PCDHAC1: variants seen among roughly 807,000 people sequenced by gnomAD.
The protein encoded by PCDHAC1 is protocadherin alpha subfamily C, 1.
Under a neutral mutation model 60.0 loss-of-function variants are expected in PCDHAC1, and 42 were observed. The ratio of observed to expected loss-of-function variants is 0.70; its 90% CI spans 0.55 to 0.90. The LOEUF is 0.90. PCDHAC1 is among the 40% of genes least tolerant of loss of function. The probability of loss-of-function intolerance (pLI) is 0.00; values close to 1 mark genes in which losing one functional copy is unlikely to be tolerated. For missense variants in PCDHAC1, 1,160 were observed against 1,222.3 expected, an observed-to-expected ratio of 0.95 and a Z score of 0.76; for synonymous variants, 468 against 499.3, an observed-to-expected ratio of 0.94 and a Z score of 0.84.
chr5:140,941,214 C>CTTTCTTTCTTTCTGTCTTT, intron 1 of PCDHAC1, among the ~76,000 whole-genome samples: 1 of 122,492 alleles, frequency 8.2e-6, no homozygotes, highest in African/African-American at 3.1e-5. Flanking sequence ...TTTCTTTCTT[C>CTTTCTTTCTTTCTGTCTTT]CTTTCTTTCT....
At chr5:140,929,545 A>T in intron 1 of PCDHAC1, 1 of 514,856 alleles carries the variant, frequency 1.9e-6, no homozygotes, top group Non-Finnish European at 3.2e-6. Context: ...ACAAGGGCAA[A>T]AATTAAAACC....
At position 140,974,381 on chromosome 5, in the gene PCDHAC1, G is replaced by A. The variant is rs782006620; in HGVS notation, c.2434-4568G>A. 3.3e-5 allele frequency among the ~76,000 whole-genome samples: 5 copies of A among 152,272 alleles called. No homozygotes were observed. In the East Asian group the frequency reaches 7.7e-4, roughly 23 times the overall value. On this transcript the variant is annotated intron_variant, in intron 1 of 3. Transcript: ENST00000253807. ...AGACCTAGCACTTTCTGTTGTACTG[G>A]AACCCATTAGGTATGTTCTAAAGTT...
At chr5:140,993,462 T>TCACACACACACACACACA (rs3836747) in intron 3 of PCDHAC1, among the ~76,000 whole-genome samples, 2 of 140,938 alleles carry the variant, frequency 1.4e-5, no homozygotes, top group African/African-American at 5.3e-5. Flanking sequence ...TCTTTCTTTC[T>TCACACACACACACACACA]CACACACACA....
Position 141,010,254 on chromosome 5 carries a change from C to T in PCDHAC1, c.*317C>T. Reference sequence around the variant, plus strand: ...GCCAGTGAGAGGTTGGACTCTCTGCCCTGTGCTCCGGGGATCCTGTCTTGA... The same window carrying T: ...GCCAGTGAGAGGTTGGACTCTCTGCTCTGTGCTCCGGGGATCCTGTCTTGA... On this transcript the variant is annotated 3_prime_UTR_variant, in exon 4 of 4. Transcript: ENST00000253807. The T allele has an allele frequency of 6.4e-7, 1 of 1,551,810 alleles. No individual in the cohort carries two copies. Among genetic ancestry groups the T allele is most frequent in the Non-Finnish European group, 8.7e-7 (1 of 1,147,018 alleles).
Position 141,009,969 on chromosome 5 carries a change from GT to G in PCDHAC1, c.*37del, listed in dbSNP as rs2098415622. On this transcript the variant is annotated 3_prime_UTR_variant, in exon 4 of 4. Coordinates refer to ENST00000253807, the MANE Select transcript of PCDHAC1 (RefSeq NM_018898.5). ...CAAATGGAAACAAGCCACTTAGCCA[GT>G]TTTTGTAATAATGGCAAATCTCTCC... 6.3e-7 allele frequency: 1 copy of G among 1,586,478 alleles called. No homozygotes were observed. The highest frequency in any genetic ancestry group is 1.8e-5 in the Admixed American group (1 of 54,174).
intron 1 of PCDHAC1, among the ~76,000 whole-genome samples, chr5:140,941,953 C>A (rs1166757165): frequency 6.6e-6 from 1 of 152,054 alleles, no homozygotes; most frequent in Non-Finnish European, 1.5e-5. Flanking sequence ...GTTTTGAAAA[C>A]AATAGTATCT....
intron 1 of PCDHAC1, among the ~76,000 whole-genome samples, chr5:140,963,902 A>G (rs1227304928): frequency 6.6e-6 from 1 of 152,218 alleles, no homozygotes; most frequent in Non-Finnish European, 1.5e-5. Flanking sequence ...AAATGAGTAA[A>G]GTGAAGCTTA....
At chr5:140,943,791 C>G (rs74565063) in intron 1 of PCDHAC1, among the ~76,000 whole-genome samples, 2,339 of 152,200 alleles carry the variant, frequency 0.015, 18 homozygotes, top group Middle Eastern at 0.027. Flanking sequence ...GTCCTTTATG[C>G]AAAGCAAAAG....
chr5:140,955,889 GT>G (rs1305358742), intron 1 of PCDHAC1, among the ~76,000 whole-genome samples: 2 of 151,880 alleles, frequency 1.3e-5, no homozygotes, highest in Non-Finnish European at 2.9e-5. Flanking sequence ...ATTCCTAGGT[GT>G]TTTATTCTCT....
At chr5:140,959,544 T>C (rs2095494180) in intron 1 of PCDHAC1, among the ~76,000 whole-genome samples, 1 of 152,208 alleles carries the variant, frequency 6.6e-6, no homozygotes, top group Non-Finnish European at 1.5e-5. Context: ...AGAGATGCTG[T>C]ATAAATAGAA....
chr5:140,940,450 A>G (rs1279490375), intron 1 of PCDHAC1, among the ~76,000 whole-genome samples: 1 of 151,884 alleles, frequency 6.6e-6, no homozygotes, highest in Non-Finnish European at 1.5e-5. Flanking sequence ...GATATTTTTT[A>G]TAGGTTTCTG....
rs1554263082 is a variant in PCDHAC1 at position 141,010,709 on chromosome 5, TG to T, written c.*773del. 2 of 154,830 alleles carry T rather than the reference TG, an allele frequency of 1.3e-5. No individual in the cohort carries two copies. Among genetic ancestry groups the T allele is most frequent in the African/African-American group, 2.4e-5 (1 of 41,516 alleles). The allele number at this position is 154,830 out of a possible 1,614,324, so 9.6% of individuals were successfully genotyped here. On this transcript the variant is annotated 3_prime_UTR_variant, in exon 4 of 4. Transcript: ENST00000253807. Reference sequence around the variant, plus strand: ...TCTGATGTGTTTCCTATACATGTCCTGTGCTCACTTTATTAAAAATTCTTTT... The same window carrying T: ...TCTGATGTGTTTCCTATACATGTCCTTGCTCACTTTATTAAAAATTCTTTT...
At chr5:140,991,629 T>C (rs1466263798) in intron 3 of PCDHAC1, among the ~76,000 whole-genome samples, 5 of 152,208 alleles carry the variant, frequency 3.3e-5, no homozygotes, top group African/African-American at 1.2e-4. Context: ...ATATTTGTAA[T>C]AACAATCTGT....
At chr5:140,944,124 G>T (rs922088265) in intron 1 of PCDHAC1, among the ~76,000 whole-genome samples, 10 of 152,200 alleles carry the variant, frequency 6.6e-5, no homozygotes, top group Admixed American at 6.5e-4. Context: ...TACCAGAGAA[G>T]AAAAGGTTGA....
At chr5:140,942,541 G>T (rs1241528363) in intron 1 of PCDHAC1, among the ~76,000 whole-genome samples, 1 of 152,056 alleles carries the variant, frequency 6.6e-6, no homozygotes, top group Non-Finnish European at 1.5e-5. Context: ...CAGTATGGTG[G>T]GGGGTAGGGG....
At chr5:140,964,173 C>A (rs1052958313) in intron 1 of PCDHAC1, among the ~76,000 whole-genome samples, 5 of 152,174 alleles carry the variant, frequency 3.3e-5, no homozygotes, top group Non-Finnish European at 7.4e-5. Context: ...GGAACGAAAT[C>A]ATTATAGTGC....
chr5:140,928,089 T>G lies in PCDHAC1; in HGVS notation c.1197T>G (p.Ile399Met). ...ASFDNYYSLL[I>M]DGPLDREQIS... ...TTGACAACTACTACAGCCTGCTGAT[T>G]GATGGGCCCCTGGACCGGGAGCAGA... The change falls in exon 1 of 4, where the codon ATT (isoleucine) becomes ATG (methionine). Residue 399 changes from isoleucine (I) to methionine (M), a missense_variant. By Grantham distance (10) the Ile-to-Met change is conservative. Coordinates refer to ENST00000253807, the MANE Select transcript of PCDHAC1 (RefSeq NM_018898.5). 1 of 1,614,192 alleles carries G rather than the reference T, an allele frequency of 6.2e-7. No individual in the cohort carries two copies. The highest frequency in any genetic ancestry group is 8.5e-7 in the Non-Finnish European group (1 of 1,180,038).
chr5:140,928,007 ATGG>A lies in PCDHAC1; in HGVS notation c.1117_1119del (p.Gly373del), dbSNP rs1183344805. ...GTAAAGGATGAAGACCTCGATTCTA[ATGG>A]TAGGGTCATTTGTGGCATGTCTAGT... On this transcript the variant is annotated inframe_deletion, in exon 1 of 4. Coordinates refer to ENST00000253807, the MANE Select transcript of PCDHAC1 (RefSeq NM_018898.5). 1.2e-6 allele frequency: 2 copies of A among 1,613,998 alleles called. No individual in the cohort carries two copies. Among genetic ancestry groups the A allele is most frequent in the Non-Finnish European group, 1.7e-6 (2 of 1,180,034 alleles).
At chr5:140,967,073 G>A (rs1554229137) in intron 1 of PCDHAC1, 1 of 1,613,160 alleles carries the variant, frequency 6.2e-7, no homozygotes, top group South Asian at 1.1e-5. Flanking sequence ...CTTCGTCAAC[G>A]AGCGCATTGA....
Sources: gnomAD v4.1 joint callset for allele counts (sites outside exome capture counted in the v4.1 genomes callset) on GRCh38, gnomAD v4.1.1 for gene constraint, MANE v1.5 for transcripts, NCBI Gene and HGNC (gene_info 2026-07-23, HGNC 2026-07-21) for gene names.